Variants in SUSD5 observed in about 807,000 individuals in gnomAD.
The protein encoded by SUSD5 is sushi domain containing 5, also known as sushi domain-containing protein 5.
In SUSD5, 33 loss-of-function variants were observed where a neutral mutation model predicts 29.5. That is an observed-to-expected ratio of 1.12 (90% CI 0.85 to 1.49). The LOEUF (loss-of-function observed/expected upper bound fraction) is 1.49, where lower values mean the gene tolerates loss of function less well. SUSD5 is among the 40% of genes most tolerant of loss of function. The probability of loss-of-function intolerance (pLI) is 0.00; values close to 1 mark genes in which losing one functional copy is unlikely to be tolerated. For missense variants in SUSD5, 776 were observed against 800.6 expected, an observed-to-expected ratio of 0.97 and a Z score of 0.37; for synonymous variants, 308 against 325.3, an observed-to-expected ratio of 0.95 and a Z score of 0.57.
At chr3:33,181,354 C>CTT (rs61087865) in intron 3 of SUSD5, among the ~76,000 whole-genome samples, 3,561 of 120,414 alleles carry the variant, frequency 0.03, 162 homozygotes, top group African/African-American at 0.1. Flanking sequence ...TCATTTTCAT[C>CTT]TTTTTTTTTT....
rs1490785272 is a variant in SUSD5 at position 33,153,733 on chromosome 3, G to A, written c.899C>T (p.Ala300Val). ...CTTTTCCAACCCAGGCTTGTGGAAA[G>A]CCTCAGCAGGAAACCAGAACAAGTG... ...QKHLFWFPAEAFHKPGLEKEV... is the reference protein window; with the variant it reads ...QKHLFWFPAEVFHKPGLEKEV... The change falls in exon 5 of 5, where the codon GCT becomes GTT. Residue 300 changes from alanine (A) to valine (V), a missense_variant. Physicochemically the swap from Ala to Val is moderately conservative, Grantham distance 64. Transcript: ENST00000309558. 7 of 1,613,932 alleles carry A rather than the reference G, an allele frequency of 4.3e-6. No homozygotes were observed. Among genetic ancestry groups the A allele is most frequent in the Non-Finnish European group, 5.1e-6 (6 of 1,179,906 alleles).
At position 33,152,986 on chromosome 3, in the gene SUSD5, G is replaced by A. The variant is rs769463236; in HGVS notation, c.1646C>T (p.Pro549Leu). The change falls in exon 5 of 5, where the codon CCA becomes CTA. Residue 549 changes from proline (P) to leucine (L), a missense_variant. Transcript: ENST00000309558. ...EDFFGQEGPG[P>L]GASEELHPTL... ...GGGATGAAGCTCCTCACTTGCACCT[G>A]GCCCGGGGCCTTCCTGTCCAAAGAA... 4 of 1,613,922 alleles carry A rather than the reference G, an allele frequency of 2.5e-6. No individual in the cohort carries two copies. The South Asian group carries it at 3.3e-5, about 13-fold the overall frequency.
rs549652930 is a variant in SUSD5, at chr3:33,190,256, A to G, written c.410-15182T>C. The G allele has an allele frequency of 2.6e-4, 43 of 163,364 alleles. No individual in the cohort carries two copies. In the South Asian group the frequency reaches 6.2e-3, roughly 23 times the overall value. 10.1% of individuals were successfully genotyped at this position (163,364 alleles called of 1,614,324 possible). A position where few individuals can be genotyped will look rare whatever the true frequency, so the allele number is the denominator to read the frequency against. ...TACTCGTTAGCAGCTTTTTTGAGAT[A>G]AGCTATCAAGTCTGCCCTTTCTGCC... On this transcript the variant is annotated intron_variant, in intron 3 of 4. Transcript: ENST00000309558.
intron 3 of SUSD5, among the ~76,000 whole-genome samples, chr3:33,188,592 G>A (rs1191935543): frequency 6.6e-6 from 1 of 152,168 alleles, no homozygotes; most frequent in Non-Finnish European, 1.5e-5. Flanking sequence ...AGGTAATGTT[G>A]AGACTGCTGG....
chr3:33,186,078 C>A (rs912065171), intron 3 of SUSD5, among the ~76,000 whole-genome samples: 1 of 152,060 alleles, frequency 6.6e-6, no homozygotes, highest in African/African-American at 2.4e-5. Flanking sequence ...CCAAGGCGGG[C>A]GGATCATGAG....
At chr3:33,172,111 T>C (rs1447518351) in intron 4 of SUSD5, among the ~76,000 whole-genome samples, 1 of 151,966 alleles carries the variant, frequency 6.6e-6, no homozygotes, top group Admixed American at 6.6e-5. Flanking sequence ...AAATCCTTGT[T>C]TGACCCACTC....
At chr3:33,174,764 T>C in intron 4 of SUSD5, 122 bp downstream of exon 4, 1 of 1,132,232 alleles carries the variant, frequency 8.8e-7, no homozygotes, top group Non-Finnish European at 1.2e-6. Context: ...GATAAAGGTC[T>C]GAAAGCCTCT....
In SUSD5 at chr3:33,218,721, A is replaced by G; in HGVS notation, c.77T>C (p.Leu26Pro). 7.5e-7 allele frequency: 1 copy of G among 1,341,928 alleles called. No homozygotes were observed. The highest frequency in any genetic ancestry group is 1.9e-5 in the South Asian group (1 of 53,462). The allele number at this position is 1,341,928 out of a possible 1,614,324, so 83.1% of individuals were successfully genotyped here. ...CACCGAAAGGCGCGGCAGACCGAGC[A>G]GGAGCAGCGCCGCCGCCCAGAGCCC... ...LPGLWAAALL[L>P]LGLPRLSVRA... is the part of the protein sequence containing the mutation. The change falls in exon 1 of 5, where the codon CTG becomes CCG. Residue 26 changes from leucine to proline, a missense_variant. By Grantham distance (98) the Leu-to-Pro change is moderately conservative. Transcript: ENST00000309558.
chr3:33,184,270 G>C (rs1180877441), intron 3 of SUSD5, among the ~76,000 whole-genome samples: 1 of 152,092 alleles, frequency 6.6e-6, no homozygotes, highest in Non-Finnish European at 1.5e-5. Flanking sequence ...CATGGTTTCA[G>C]AGGAGGAATT....
intron 1 of SUSD5, among the ~76,000 whole-genome samples, chr3:33,215,371 C>T (rs1018259203): frequency 1.2e-4 from 19 of 152,090 alleles, no homozygotes; most frequent in African/African-American, 4.3e-4. Context: ...TGATCAAATA[C>T]TGAGCTATAA....
intron 3 of SUSD5, among the ~76,000 whole-genome samples, chr3:33,198,654 C>G (rs1559454638): frequency 6.6e-6 from 1 of 152,208 alleles, no homozygotes; most frequent in Non-Finnish European, 1.5e-5. Flanking sequence ...CCAATCTGTT[C>G]AGCCCTATCT....
At chr3:33,179,272 A>T (rs948801791) in intron 3 of SUSD5, among the ~76,000 whole-genome samples, 1 of 151,978 alleles carries the variant, frequency 6.6e-6, no homozygotes, top group Non-Finnish European at 1.5e-5. Flanking sequence ...TCTTTTTTTT[A>T]AAAGCATAAC....
chr3:33,214,130 A>G lies in SUSD5; in HGVS notation c.113-25T>C, dbSNP rs766182899. The G allele has an allele frequency of 8.9e-6, 14 of 1,565,592 alleles. No homozygotes were observed. The East Asian group carries it at 2.8e-4, about 31-fold the overall frequency. On this transcript the variant is annotated intron_variant, in intron 1 of 4. Coordinates refer to ENST00000309558, the MANE Select transcript of SUSD5 (RefSeq NM_015551.2). ...CCTGTGTGGGAACAAGAACAAACAC[A>G]TGTGGATTTCAGGATCCATGGGAAG...
chr3:33,160,221 C>T (rs1175337453), intron 4 of SUSD5, among the ~76,000 whole-genome samples: 2 of 152,088 alleles, frequency 1.3e-5, no homozygotes, highest in Non-Finnish European at 2.9e-5. Flanking sequence ...GCAATCCTCC[C>T]ACCTCAGTCT....
intron 3 of SUSD5, among the ~76,000 whole-genome samples, chr3:33,206,339 A>C (rs1189704228): frequency 6.6e-6 from 1 of 152,038 alleles, no homozygotes; most frequent in African/African-American, 2.4e-5. Context: ...ACACCACTGC[A>C]CTCCAGCCTG....
In SUSD5 at chr3:33,199,789, TGTTTG is replaced by T. The variant is rs2032074790; in HGVS notation, c.409+8014_409+8018del. On this transcript the variant is annotated intron_variant, in intron 3 of 4. Coordinates refer to ENST00000309558, the MANE Select transcript of SUSD5 (RefSeq NM_015551.2). Reference sequence around the variant, plus strand: ...CGATTAGGCCATGCTATGGTTCAAATGTTTGACTCCTCCAAACTTCATGTTGAAAT... The same window carrying T: ...CGATTAGGCCATGCTATGGTTCAAATACTCCTCCAAACTTCATGTTGAAAT... Among the ~76,000 whole-genome samples the T allele has an allele frequency of 3.9e-5, 6 of 152,330 alleles. No individual in the cohort carries two copies. In the South Asian group the frequency reaches 1.2e-3, roughly 32 times the overall value.
intron 4 of SUSD5, among the ~76,000 whole-genome samples, chr3:33,159,615 A>G (rs1192108123): frequency 6.6e-6 from 1 of 152,074 alleles, no homozygotes; most frequent in East Asian, 1.9e-4. Flanking sequence ...GCTACACTTG[A>G]AAATATCTAA....
intron 3 of SUSD5, among the ~76,000 whole-genome samples, chr3:33,178,477 C>T (rs2031600192): frequency 6.7e-6 from 1 of 149,292 alleles, no homozygotes; most frequent in African/African-American, 2.5e-5. Flanking sequence ...GAGACGGAGT[C>T]TTGCTGTCGC....
intron 4 of SUSD5, among the ~76,000 whole-genome samples, chr3:33,162,568 A>G (rs1286633554): frequency 6.6e-6 from 1 of 152,224 alleles, no homozygotes; most frequent in African/African-American, 2.4e-5. Context: ...GAGAAGATGC[A>G]AATGAAAAAC....
Sources: gnomAD v4.1 joint callset for allele counts (sites outside exome capture counted in the v4.1 genomes callset) on GRCh38, gnomAD v4.1.1 for gene constraint, MANE v1.5 for transcripts, NCBI Gene and HGNC (gene_info 2026-07-23, HGNC 2026-07-21) for gene names.